Variants in GSK3B observed in about 807,000 individuals in gnomAD.
The protein encoded by GSK3B is glycogen synthase kinase 3 beta.
A neutral mutation model predicts 56.4 loss-of-function variants in GSK3B; 15 were observed. That is an observed-to-expected ratio of 0.27 (90% confidence interval 0.18 to 0.41). The LOEUF (loss-of-function observed/expected upper bound fraction) is 0.41, where lower values mean the gene tolerates loss of function less well. GSK3B is among the 10% of genes least tolerant of loss of function. GSK3B has a pLI of 1.00. For synonymous variants in GSK3B, 181 were observed against 188.9 expected (o/e 0.96, Z 0.34); for missense variants, 300 against 513.4 (o/e 0.58, Z 4.02).
intron 1 of GSK3B, chr3:120,084,676 A>G (rs1268494988): frequency 2.0e-5 from 3 of 152,200 alleles, no homozygotes; most frequent in African/African-American, 7.2e-5. Flanking sequence ...AGAAAAATAG[A>G]AAGTTAAAAA....
intron 1 of GSK3B, among the ~76,000 whole-genome samples, chr3:120,087,331 G>A (rs1222522340): frequency 6.6e-6 from 1 of 152,146 alleles, no homozygotes; most frequent in Non-Finnish European, 1.5e-5. Context: ...AGGATTTTGA[G>A]ACCAGCCTGG....
chr3:120,090,093 A>G (rs1441901187), intron 1 of GSK3B, among the ~76,000 whole-genome samples: 2 of 152,140 alleles, frequency 1.3e-5, no homozygotes, highest in Non-Finnish European at 2.9e-5. Flanking sequence ...TTTTAAGCAT[A>G]TATCAAAGAT....
chr3:120,020,710 C>A (rs566001317), intron 1 of GSK3B, among the ~76,000 whole-genome samples: 1 of 152,246 alleles, frequency 6.6e-6, no homozygotes, highest in Non-Finnish European at 1.5e-5. Flanking sequence ...AGAAGAGTCA[C>A]CTATCTCTCA....
At chr3:119,912,507 A>G (rs2056744501) in intron 6 of GSK3B, among the ~76,000 whole-genome samples, 197 bp downstream of exon 6, 1 of 152,070 alleles carries the variant, frequency 6.6e-6, no homozygotes, top group Non-Finnish European at 1.5e-5. Flanking sequence ...AGAGGTTAAA[A>G]AAAAAAAAGC....
intron 7 of GSK3B, among the ~76,000 whole-genome samples, chr3:119,902,089 C>T (rs1244892875): frequency 1.3e-5 from 2 of 152,204 alleles, no homozygotes; most frequent in Admixed American, 6.5e-5. Flanking sequence ...CTGAACTGGG[C>T]ATTTATGAGA....
intron 4 of GSK3B, among the ~76,000 whole-genome samples, chr3:119,919,041 TA>T (rs1195058591): frequency 5.3e-5 from 8 of 151,694 alleles, no homozygotes; most frequent in East Asian, 3.9e-4. Flanking sequence ...TATTTTCAAT[TA>T]AAAAAAAATT....
intron 2 of GSK3B, among the ~76,000 whole-genome samples, chr3:119,991,551 A>C (rs1360393493): frequency 5.4e-5 from 8 of 149,168 alleles, no homozygotes; most frequent in Admixed American, 2.7e-4. Flanking sequence ...TGCCATTAGG[A>C]GATTTCGCAG....
intron 7 of GSK3B, among the ~76,000 whole-genome samples, chr3:119,880,652 G>A (rs2056369668): frequency 6.6e-6 from 1 of 151,982 alleles, no homozygotes; most frequent in Non-Finnish European, 1.5e-5. Context: ...CTGTGTATAA[G>A]GTAATTTCTG....
chr3:119,939,231 C>T (rs555494108), intron 3 of GSK3B, among the ~76,000 whole-genome samples: 1 of 152,098 alleles, frequency 6.6e-6, no homozygotes, highest in African/African-American at 2.4e-5. Context: ...AGGGATAATA[C>T]AACATATTCT....
chr3:119,862,558 A>G lies in GSK3B; in HGVS notation c.1096+861T>C, dbSNP rs1301562087. Among the ~76,000 whole-genome samples the G allele has an allele frequency of 2.0e-5, 3 of 149,928 alleles. No homozygotes were observed. In the East Asian group the frequency reaches 5.8e-4, roughly 29 times the overall value. On this transcript the variant is annotated intron_variant, in intron 9 of 10. Coordinates refer to ENST00000264235, the MANE Select transcript of GSK3B (RefSeq NM_001146156.2). ...AAAAAAAAAAAGAAAGATATGATAC[A>G]TATGAATAAAGGAAATATATTTCTT...
chr3:119,876,358 G>T, intron 8 of GSK3B, 55 bp downstream of exon 8: 1 of 913,352 alleles, frequency 1.1e-6, no homozygotes, highest in Non-Finnish European at 1.8e-6. Context: ...AGAACAATGA[G>T]AAACCTGTTT....
intron 8 of GSK3B, among the ~76,000 whole-genome samples, chr3:119,865,452 ATATATATATATATATTTTTTTTT>A (rs1205742350): frequency 3.3e-4 from 6 of 18,190 alleles, no homozygotes; most frequent in Admixed American, 1.0e-3. Context: ...ATATATATAT[ATATATATATATATATTTTTTTTT>A]TTTTTTTTTT....
intron 1 of GSK3B, among the ~76,000 whole-genome samples, chr3:120,053,834 T>C (rs2058171114): frequency 6.6e-6 from 1 of 152,198 alleles, no homozygotes; most frequent in Non-Finnish European, 1.5e-5. Flanking sequence ...CTGCCATCCA[T>C]GTAAGCCGTG....
chr3:120,051,611 A>G (rs1057123038), intron 1 of GSK3B, among the ~76,000 whole-genome samples: 1 of 152,102 alleles, frequency 6.6e-6, no homozygotes, highest in Non-Finnish European at 1.5e-5. Context: ...TACGAAAAAT[A>G]CAAAAATTAG....
chr3:120,084,003 G>A (rs2107580227), intron 1 of GSK3B, among the ~76,000 whole-genome samples: 1 of 152,220 alleles, frequency 6.6e-6, no homozygotes, highest in African/African-American at 2.4e-5. Context: ...GCTGCTAATG[G>A]GTATAAGCTT....
chr3:119,955,530 A>C (rs2057205492), intron 2 of GSK3B, among the ~76,000 whole-genome samples: 1 of 152,228 alleles, frequency 6.6e-6, no homozygotes, highest in African/African-American at 2.4e-5. Flanking sequence ...ACAGGAGCTA[A>C]GAAAAATTTG....
chr3:120,034,659 T>C (rs1379309568), intron 1 of GSK3B, among the ~76,000 whole-genome samples: 1 of 152,220 alleles, frequency 6.6e-6, no homozygotes, highest in Non-Finnish European at 1.5e-5. Flanking sequence ...TTATTCTTTA[T>C]TTTTCAATTT....
At chr3:119,920,292 T>G (rs1004934928) in intron 4 of GSK3B, among the ~76,000 whole-genome samples, 14 of 152,222 alleles carry the variant, frequency 9.2e-5, no homozygotes, top group Non-Finnish European at 1.8e-4. Context: ...CAGGCTGAAG[T>G]GCAGTGGCAT....
At position 119,880,631 on chromosome 3, in the gene GSK3B, C is replaced by A. The variant is rs536458097; in HGVS notation, c.814-4123G>T. Among the ~76,000 whole-genome samples the A allele has an allele frequency of 4.6e-5, 7 of 152,216 alleles. No individual in the cohort carries two copies. The South Asian group carries it at 1.2e-3, about 27-fold the overall frequency. ...AAAAAGGAATCTAGTTAAAAATAAACCGACCTTTAACTGTGTATAAGGTAA... is the reference window on the plus strand; with the variant it reads ...AAAAAGGAATCTAGTTAAAAATAAAACGACCTTTAACTGTGTATAAGGTAA... On this transcript the variant is annotated intron_variant, in intron 7 of 10. Coordinates refer to ENST00000264235, the MANE Select transcript of GSK3B (RefSeq NM_001146156.2).
Sources: allele counts gnomAD v4.1 joint callset (sites outside exome capture counted in the v4.1 genomes callset), GRCh38; gene constraint gnomAD v4.1.1; transcripts MANE v1.5; gene names NCBI Gene and HGNC (gene_info 2026-07-23, HGNC 2026-07-21).